TGM5: variants seen among roughly 807,000 people sequenced by gnomAD.
TGM5 encodes protein-glutamine gamma-glutamyltransferase 5.
Under a neutral mutation model 77.2 loss-of-function variants are expected in TGM5, and 69 were observed. The observed-to-expected ratio is 0.89, with a 90% confidence interval of 0.74 to 1.09. The LOEUF is 1.09. TGM5 is among the 50% of genes least tolerant of loss of function. The probability of loss-of-function intolerance (pLI) is 0.00; values close to 1 mark genes in which losing one functional copy is unlikely to be tolerated. For missense variants in TGM5, 842 were observed against 896.5 expected (o/e 0.94, Z 0.78); for synonymous variants, 346 against 351.8 (o/e 0.98, Z 0.18).
chr15:43,240,099 A>C (rs2042623571), intron 7 of TGM5, among the ~76,000 whole-genome samples: 1 of 152,166 alleles, frequency 6.6e-6, no homozygotes, highest in South Asian at 2.1e-4. Context: ...CCCCAAAGGC[A>C]GTCTTAAAAC....
At chr15:43,240,700 C>T (rs1317979761) in intron 7 of TGM5, 152 bp downstream of exon 7, 3 of 881,242 alleles carry the variant, frequency 3.4e-6, no homozygotes, top group African/African-American at 2.3e-5. Flanking sequence ...GTGGGGACAG[C>T]CTTGGTGGGG....
At chr15:43,253,001 T>C (rs939481783) in intron 5 of TGM5, 65 bp from the exon 6 acceptor site, 14 of 1,572,630 alleles carry the variant, frequency 8.9e-6, no homozygotes, top group Non-Finnish European at 1.0e-5. Flanking sequence ...ATGTGTGGGC[T>C]GCCTTGGAAG....
intron 4 of TGM5, among the ~76,000 whole-genome samples, chr15:43,254,422 C>T (rs1368684022): frequency 5.9e-5 from 9 of 152,196 alleles, no homozygotes; most frequent in Non-Finnish European, 1.3e-4. Context: ...TAAATGAATA[C>T]ATTTATTCCT....
chr15:43,240,983 C>T lies in TGM5; in HGVS notation c.870G>A (p.Arg290=). The T allele has an allele frequency of 2.5e-6, 4 of 1,614,154 alleles. No homozygotes were observed. Among genetic ancestry groups the T allele is most frequent in the South Asian group, 1.1e-5 (1 of 91,078 alleles). ...VFAAVMCTVM[R]CLGIPTRVIT... is the part of the protein sequence containing the mutation. ...TCACACGGGTAGGGATCCCCAGACA[C>T]CTCATCACTGCAAAAAGGGCACAAA... The change falls in exon 7 of 13, where the codon AGG becomes AGA. Residue 290 remains arginine (R), a synonymous_variant. Transcript: ENST00000220420.
chr15:43,239,967 T>C (rs938402599), intron 7 of TGM5, among the ~76,000 whole-genome samples: 1 of 152,062 alleles, frequency 6.6e-6, no homozygotes, highest in Non-Finnish European at 1.5e-5. Context: ...GAAGCAGAAG[T>C]GTTTTTTTGG....
At chr15:43,251,534 T>C (rs1312699448) in intron 6 of TGM5, among the ~76,000 whole-genome samples, 1 of 152,162 alleles carries the variant, frequency 6.6e-6, no homozygotes, top group Non-Finnish European at 1.5e-5. Flanking sequence ...TATTCTTGGA[T>C]TCCCCTAAAG....
intron 1 of TGM5, among the ~76,000 whole-genome samples, chr15:43,266,283 A>G (rs550916898): frequency 6.6e-6 from 1 of 152,368 alleles, no homozygotes; most frequent in East Asian, 1.9e-4. Flanking sequence ...AATGATTTCA[A>G]CTAACGATTT....
intron 4 of TGM5, among the ~76,000 whole-genome samples, chr15:43,256,108 T>C (rs1298091284): frequency 2.0e-5 from 3 of 152,244 alleles, no homozygotes. Context: ...TCATCAGCCC[T>C]GCTTCTGGCT....
intron 6 of TGM5, among the ~76,000 whole-genome samples, chr15:43,251,646 G>A (rs1285149918): frequency 6.6e-6 from 1 of 152,164 alleles, no homozygotes; most frequent in Non-Finnish European, 1.5e-5. Context: ...CCAAGAGGCC[G>A]AGAGCAGGCC....
chr15:43,239,154 G>C lies in TGM5; in HGVS notation c.1105+9C>G, dbSNP rs757432693. 1 of 1,614,096 alleles carries C rather than the reference G, an allele frequency of 6.2e-7. No individual in the cohort carries two copies. The highest frequency in any genetic ancestry group is 8.5e-7 in the Non-Finnish European group (1 of 1,180,030). ...GAGCGGGGCCTGCCTTTCTTCTGGA[G>C]AGCCTCACCGTTGCTCATCTCCTGA... On this transcript the variant is annotated intron_variant, in intron 8 of 12. Coordinates refer to ENST00000220420, the MANE Select transcript of TGM5 (RefSeq NM_201631.4).
rs116246847 is a variant in TGM5 at position 43,254,959 on chromosome 15, T to C, written c.556-1325A>G. 5.6e-3 allele frequency among the ~76,000 whole-genome samples: 848 copies of C among 152,254 alleles called. 8 individuals are homozygous for C. Among genetic ancestry groups the C allele is most frequent in the African/African-American group, 0.02 (813 of 41,532 alleles). On this transcript the variant is annotated intron_variant, in intron 4 of 12. Transcript: ENST00000220420. ...TTACACTGTAAGATCAGGGACAATG[T>C]TGTATTCATTTTCATATCTCTAGCA...
At position 43,243,444 on chromosome 15, in the gene TGM5, C is replaced by G. The variant is rs193025924; in HGVS notation, c.863-2454G>C. Among the ~76,000 whole-genome samples the G allele has an allele frequency of 1.3e-4, 20 of 152,300 alleles. 1 individual carries two copies. The highest frequency in any genetic ancestry group is 1.3e-3 in the Admixed American group (20 of 15,298). On this transcript the variant is annotated intron_variant, in intron 6 of 12. Coordinates refer to ENST00000220420, the MANE Select transcript of TGM5 (RefSeq NM_201631.4). ...ATGGATTTGCACTGATCCAGTCTCA[C>G]CCTTTGCTCATCATGGCTTGTGAGA...
At chr15:43,245,378 C>T (rs138360038) in intron 6 of TGM5, among the ~76,000 whole-genome samples, 231 of 152,230 alleles carry the variant, frequency 1.5e-3, no homozygotes, top group African/African-American at 5.4e-3. Flanking sequence ...ATATCACTTC[C>T]TGCTCTTTAT....
At chr15:43,237,899 A>C (rs1596440801) in intron 9 of TGM5, among the ~76,000 whole-genome samples, 1 of 151,910 alleles carries the variant, frequency 6.6e-6, no homozygotes, top group East Asian at 1.9e-4. Flanking sequence ...AAAATAAACC[A>C]CCTGTATTTG....
At chr15:43,264,795 A>G (rs572536728) in intron 1 of TGM5, among the ~76,000 whole-genome samples, 2 of 152,374 alleles carry the variant, frequency 1.3e-5, no homozygotes, top group East Asian at 3.9e-4. Context: ...AAAAGTTGTT[A>G]TAAACAAATA....
At chr15:43,249,011 C>A (rs1444443276) in intron 6 of TGM5, among the ~76,000 whole-genome samples, 1 of 152,132 alleles carries the variant, frequency 6.6e-6, no homozygotes, top group African/African-American at 2.4e-5. Context: ...AGGGCCCAGT[C>A]CCAGTCCCAA....
chr15:43,234,711 AC>A, intron 11 of TGM5, 57 bp downstream of exon 11: 1 of 1,610,474 alleles, frequency 6.2e-7, no homozygotes, highest in Non-Finnish European at 8.5e-7. Flanking sequence ...ACAGGGCTTC[AC>A]CCCCTCCCCG....
intron 6 of TGM5, among the ~76,000 whole-genome samples, chr15:43,241,728 G>C (rs1024882543): frequency 6.6e-6 from 1 of 151,894 alleles, no homozygotes; most frequent in Non-Finnish European, 1.5e-5. Context: ...CCTCCTCCCG[G>C]GTTCAAGCAA....
rs1284726916 is a variant in TGM5 at position 43,260,604 on chromosome 15, A to C, written c.11-25T>G. 1.4e-5 allele frequency: 23 copies of C among 1,613,854 alleles called. No individual in the cohort carries two copies. The Admixed American group carries it at 3.8e-4, about 27-fold the overall frequency. On this transcript the variant is annotated intron_variant, in intron 1 of 12. Transcript: ENST00000220420. ...CCTGCAATGGGGCAGCCAGGGTTAG[A>C]CAAAATAGTGGGGTTGTGGAGCCAA...
Sources: allele counts gnomAD v4.1 joint callset (sites outside exome capture counted in the v4.1 genomes callset), GRCh38; gene constraint gnomAD v4.1.1; transcripts MANE v1.5; gene names NCBI Gene and HGNC (gene_info 2026-07-23, HGNC 2026-07-21).